Variants in NCAPG2 observed in about 807,000 individuals in gnomAD.
NCAPG2 encodes condensin-2 complex subunit G2.
In NCAPG2, 53 loss-of-function variants were observed where a neutral mutation model predicts 141.1. The observed-to-expected ratio is 0.38, with a 90% confidence interval of 0.30 to 0.47. The LOEUF (loss-of-function observed/expected upper bound fraction) is 0.47. Among genes scored for constraint, NCAPG2 ranks in the 20% least tolerant of loss-of-function variants. The probability of loss-of-function intolerance (pLI) is 0.99; values close to 1 mark genes in which losing one functional copy is unlikely to be tolerated. For missense variants in NCAPG2, 1,087 were observed against 1,389.0 expected, an observed-to-expected ratio of 0.78 and a Z score of 3.46; for synonymous variants, 499 against 490.7, an observed-to-expected ratio of 1.02 and a Z score of -0.22.
At chr7:158,704,204 T>C (rs1474041656) in intron 1 of NCAPG2, among the ~76,000 whole-genome samples, 1 of 101,808 alleles carries the variant, frequency 9.8e-6, no homozygotes, top group Admixed American at 1.2e-4. Flanking sequence ...ACTGAGGGGG[T>C]CGCTCTCTGA....
intron 22 of NCAPG2, among the ~76,000 whole-genome samples, chr7:158,653,384 A>T (rs201963940): frequency 1.2e-3 from 106 of 88,180 alleles, no homozygotes; most frequent in African/African-American, 3.6e-3. Flanking sequence ...AAAATAAAAA[A>T]AAAAATAATA....
chr7:158,658,477 G>A (rs925743372), intron 16 of NCAPG2, 69 bp from the exon 17 acceptor site: 8 of 1,350,336 alleles, frequency 5.9e-6, no homozygotes, highest in South Asian at 1.5e-5. Context: ...GTCTCTCTAC[G>A]TAAATTCCTG....
chr7:158,640,372 C>A (rs978273842), intron 27 of NCAPG2: 1 of 151,996 alleles, frequency 6.6e-6, no homozygotes, highest in East Asian at 1.9e-4. Context: ...CCTGTCTCCA[C>A]TAATACAAAA....
chr7:158,644,768 G>A (rs1830883642), intron 26 of NCAPG2, among the ~76,000 whole-genome samples: 2 of 152,294 alleles, frequency 1.3e-5, no homozygotes, highest in South Asian at 2.1e-4. Context: ...TCCTGGTGGT[G>A]ATCTCAATGC....
chr7:158,658,604 T>A (rs760687519), intron 16 of NCAPG2, among the ~76,000 whole-genome samples, 196 bp from the exon 17 acceptor site: 10 of 152,242 alleles, frequency 6.6e-5, no homozygotes, highest in Non-Finnish European at 1.5e-4. Flanking sequence ...GTGAGTGTTA[T>A]GGAAGTTTTA....
intron 1 of NCAPG2, among the ~76,000 whole-genome samples, chr7:158,704,052 G>A (rs1468834813): frequency 2.0e-5 from 3 of 148,860 alleles, no homozygotes; most frequent in Non-Finnish European, 4.5e-5. Flanking sequence ...CGCTCTCTGA[G>A]GGCAGTGCCC....
chr7:158,695,966 G>A (rs1343016500), intron 2 of NCAPG2, among the ~76,000 whole-genome samples: 2 of 152,226 alleles, frequency 1.3e-5, no homozygotes, highest in African/African-American at 4.8e-5. Context: ...GGCCACCTGT[G>A]CCCCAGCAAG....
At chr7:158,678,112 A>ATT (rs1563557586) in intron 11 of NCAPG2, among the ~76,000 whole-genome samples, 25 of 31,310 alleles carry the variant, frequency 8.0e-4, no homozygotes, top group African/African-American at 1.9e-3. Context: ...TTTATTTTAA[A>ATT]AAAAAAAAAA....
rs1309020502 is a variant in NCAPG2, at chr7:158,658,382, G to C, written c.2016C>G (p.Phe672Leu). ...FKDDRCKIPL[F>L]MLMSFMPASA... ...AGGCCGGCATAAAGGACATTAGCAT[G>C]AATAAAGGGATCTTGCAGCGATCAT... Residue 672 changes from phenylalanine (F) to leucine (L), a missense_variant, in exon 17 of 28, where the codon TTC (phenylalanine) becomes TTG (leucine). Phe to Leu is a conservative substitution (Grantham distance 22). Transcript: ENST00000356309. The C allele has an allele frequency of 6.2e-7, 1 of 1,612,272 alleles. No homozygotes were observed. Among genetic ancestry groups the C allele is most frequent in the Non-Finnish European group, 8.5e-7 (1 of 1,179,038 alleles).
At position 158,645,608 on chromosome 7, in the gene NCAPG2, T is replaced by C. The variant is rs748322319; in HGVS notation, c.3191A>G (p.Asp1064Gly). 4.3e-6 allele frequency: 7 copies of C among 1,613,902 alleles called. No individual in the cohort carries two copies. The Admixed American group carries it at 8.3e-5, about 19-fold the overall frequency. Residue 1064 changes from aspartate to glycine, a missense_variant, in exon 26 of 28, where the codon GAT becomes GGT. Physicochemically the swap from Asp to Gly is moderately conservative, Grantham distance 94. Coordinates refer to ENST00000356309, the MANE Select transcript of NCAPG2 (RefSeq NM_017760.7). ...AGAAGCCACACATGCCTTTAATTCA[T>C]CCAAAAATGACCTGCAAAAAAATCA... ...KSSNVVRSFL[D>G]ELKACVASND...
At chr7:158,670,987 T>G (rs2129464308) in intron 13 of NCAPG2, among the ~76,000 whole-genome samples, 1 of 151,212 alleles carries the variant, frequency 6.6e-6, no homozygotes, top group Non-Finnish European at 1.5e-5. Context: ...TGAAGAGAAC[T>G]AGAGCTGAAA....
Position 158,631,712 on chromosome 7 carries a change from A to G in NCAPG2, c.3386T>C (p.Leu1129Pro), listed in dbSNP as rs1429616847. The change falls in exon 28 of 28, where the codon CTC becomes CCC. Residue 1129 changes from leucine (L) to proline (P), a missense_variant. Physicochemically the swap from Leu to Pro is moderately conservative, Grantham distance 98. Coordinates refer to ENST00000356309, the MANE Select transcript of NCAPG2 (RefSeq NM_017760.7). ...TLEEDSIERF[L>P]YESSSRTLGE... ...CAGAGTTCTTGATGATGATTCATAG[A>G]GAAATCTGAAACACAAATAAAGAAA... The G allele has an allele frequency of 1.3e-6, 2 of 1,595,996 alleles. No individual in the cohort carries two copies. The highest frequency in any genetic ancestry group is 1.3e-5 in the African/African-American group (1 of 74,492).
intron 12 of NCAPG2, among the ~76,000 whole-genome samples, chr7:158,673,578 AG>A (rs1481546545): frequency 6.6e-6 from 1 of 152,198 alleles, no homozygotes; most frequent in African/African-American, 2.4e-5. Context: ...TCCCTTACAC[AG>A]GTGTGCACCC....
rs1162514904 is a variant in NCAPG2 at position 158,678,732 on chromosome 7, T to A, written c.1146+1228A>T. 2.5e-4 allele frequency among the ~76,000 whole-genome samples: 36 copies of A among 145,752 alleles called. No individual in the cohort carries two copies. In the East Asian group the frequency reaches 5.2e-3, roughly 21 times the overall value. On this transcript the variant is annotated intron_variant, in intron 11 of 27. Transcript: ENST00000356309. The stretch of plus-strand genomic sequence containing the variant: ...ATAAAATTTAAAAATAAGGAATCTT[T>A]AAAAAAAAAAAAAGGAATTGTAGAT...
At chr7:158,677,337 A>C (rs978800228) in intron 11 of NCAPG2, among the ~76,000 whole-genome samples, 13 of 152,040 alleles carry the variant, frequency 8.6e-5, no homozygotes, top group African/African-American at 3.1e-4. Flanking sequence ...ACAGAAACTA[A>C]GGGAAGTCCT....
At chr7:158,646,780 C>T (rs889894094) in intron 24 of NCAPG2, among the ~76,000 whole-genome samples, 4 of 152,146 alleles carry the variant, frequency 2.6e-5, no homozygotes, top group Non-Finnish European at 4.4e-5. Context: ...GTAATCCCAG[C>T]GCTCTGGGAG....
intron 1 of NCAPG2, among the ~76,000 whole-genome samples, chr7:158,703,342 T>C (rs10807658): frequency 0.85 from 129,198 of 151,710 alleles, 55,344 homozygotes; most frequent in South Asian, 0.92. Flanking sequence ...ATCATACATC[T>C]TCGCCCGGCA....
At chr7:158,690,452 G>A in intron 5 of NCAPG2, 116 bp downstream of exon 5, 1 of 975,472 alleles carries the variant, frequency 1.0e-6, no homozygotes, top group Non-Finnish European at 1.5e-6. Context: ...GGCTGAGGCA[G>A]GAGGATTGCT....
chr7:158,642,689 T>G lies in NCAPG2; in HGVS notation c.3380+1600A>C, dbSNP rs188620211. 1.6e-3 allele frequency among the ~76,000 whole-genome samples: 241 copies of G among 152,182 alleles called. 2 individuals carry two copies. The highest frequency in any genetic ancestry group is 0.014 in the South Asian group (68 of 4,820). On this transcript the variant is annotated intron_variant, in intron 27 of 27. Coordinates refer to ENST00000356309, the MANE Select transcript of NCAPG2 (RefSeq NM_017760.7). ...AAGAAGAAAAATCTAAAATCAATCA[T>G]CTAAACTTCCACCTTCGGAAAACAG...
Sources: gnomAD v4.1 joint callset for allele counts (sites outside exome capture counted in the v4.1 genomes callset) on GRCh38, gnomAD v4.1.1 for gene constraint, MANE v1.5 for transcripts, NCBI Gene and HGNC (gene_info 2026-07-23, HGNC 2026-07-21) for gene names.